The following ZRANB3 variants were observed in gnomAD, a reference collection of about 807,000 sequenced individuals.
ZRANB3 encodes the protein DNA annealing helicase and endonuclease ZRANB3.
Under a neutral mutation model 133.8 loss-of-function variants are expected in ZRANB3, and 125 were observed. The observed-to-expected ratio is 0.93, with a 90% confidence interval of 0.81 to 1.08. ZRANB3 has a LOEUF of 1.08. Ranked by LOEUF, ZRANB3 falls within the 50% of genes least tolerant of loss-of-function variation. ZRANB3 has a pLI of 0.00. For synonymous variants in ZRANB3, 387 were observed against 432.7 expected, an observed-to-expected ratio of 0.89 and a Z score of 1.31; for missense variants, 1,229 against 1,275.5, an observed-to-expected ratio of 0.96 and a Z score of 0.56.
intron 3 of ZRANB3, among the ~76,000 whole-genome samples, chr2:135,366,724 AAATT>A (rs1685955524): frequency 6.6e-6 from 1 of 152,188 alleles, no homozygotes; most frequent in Non-Finnish European, 1.5e-5. Context: ...TATTATTTAA[AAATT>A]AATTTTTAGG....
chr2:135,279,681 T>C (rs891231140), intron 8 of ZRANB3, among the ~76,000 whole-genome samples: 2 of 152,172 alleles, frequency 1.3e-5, no homozygotes, highest in Non-Finnish European at 2.9e-5. Flanking sequence ...TATCACCTGC[T>C]TCCATCACAA....
chr2:135,422,762 T>C (rs943044588), intron 2 of ZRANB3, among the ~76,000 whole-genome samples: 2 of 152,198 alleles, frequency 1.3e-5, no homozygotes, highest in African/African-American at 2.4e-5. Context: ...TAAAAGTTTA[T>C]AAAATCATTA....
At chr2:135,455,370 T>C (rs191775011) in intron 2 of ZRANB3, among the ~76,000 whole-genome samples, 2 of 151,416 alleles carry the variant, frequency 1.3e-5, no homozygotes, top group East Asian at 3.9e-4. Context: ...GTATTTTTAC[T>C]AGAGACGGGG....
intron 12 of ZRANB3, among the ~76,000 whole-genome samples, chr2:135,241,723 GGAT>G (rs1205932442): frequency 2.0e-5 from 3 of 151,934 alleles, no homozygotes; most frequent in African/African-American, 7.3e-5. Flanking sequence ...AACATGGTAG[GGAT>G]GATATTTTCA....
intron 12 of ZRANB3, among the ~76,000 whole-genome samples, chr2:135,249,317 T>G (rs943686742): frequency 1.3e-5 from 2 of 152,232 alleles, no homozygotes; most frequent in Non-Finnish European, 2.9e-5. Flanking sequence ...GTAGCACTAT[T>G]TGCAATAGCA....
At chr2:135,483,984 T>C (rs1691971911) in intron 2 of ZRANB3, among the ~76,000 whole-genome samples, 1 of 152,224 alleles carries the variant, frequency 6.6e-6, no homozygotes, top group African/African-American at 2.4e-5. Flanking sequence ...AGAGAGTTTG[T>C]TATAATTTCT....
At chr2:135,205,483 G>T (rs1693819530) in intron 19 of ZRANB3, among the ~76,000 whole-genome samples, 1 of 151,994 alleles carries the variant, frequency 6.6e-6, no homozygotes. Context: ...CCACTAGCTG[G>T]GACTACAGGT....
At chr2:135,305,928 T>C (rs929820734) in intron 8 of ZRANB3, among the ~76,000 whole-genome samples, 59 of 152,214 alleles carry the variant, frequency 3.9e-4, no homozygotes, top group African/African-American at 1.4e-3. Context: ...TCCTTGCCTG[T>C]AAGGTTTCTT....
chr2:135,318,362 T>C (rs1683360684), intron 6 of ZRANB3, among the ~76,000 whole-genome samples: 1 of 151,784 alleles, frequency 6.6e-6, no homozygotes, highest in African/African-American at 2.4e-5. Flanking sequence ...CCTACATATA[T>C]AAAATGGGAA....
intron 2 of ZRANB3, among the ~76,000 whole-genome samples, chr2:135,408,413 G>A (rs143226760): frequency 8.5e-5 from 13 of 152,284 alleles, no homozygotes; most frequent in Non-Finnish European, 1.5e-4. Context: ...GGAAATCAGC[G>A]TGGCGATTCC....
At chr2:135,278,142 T>C (rs1014324251) in intron 8 of ZRANB3, among the ~76,000 whole-genome samples, 7 of 152,082 alleles carry the variant, frequency 4.6e-5, no homozygotes, top group African/African-American at 1.4e-4. Flanking sequence ...GTCTTTCACA[T>C]TGAATGAAAA....
Position 135,346,772 on chromosome 2 carries a change from A to T in ZRANB3, c.592-1137T>A, listed in dbSNP as rs186480404. The stretch of plus-strand genomic sequence containing the variant: ...CTCACTGTTATTTTAATATATTTTT[A>T]AAAACCAACAGCTTTATTGTGACAT... On this transcript the variant is annotated intron_variant, in intron 5 of 20. Transcript: ENST00000264159. 9.2e-4 allele frequency among the ~76,000 whole-genome samples: 140 copies of T among 152,280 alleles called. 1 individual carries two copies. Among genetic ancestry groups the T allele is most frequent in the Admixed American group, 5.4e-3 (83 of 15,300 alleles).
intron 3 of ZRANB3, among the ~76,000 whole-genome samples, chr2:135,380,091 C>T (rs927125265): frequency 6.6e-6 from 1 of 152,172 alleles, no homozygotes; most frequent in Admixed American, 6.5e-5. Context: ...GTAAAGGGAT[C>T]AATTCAACAA....
chr2:135,296,045 A>C (rs1448785462), intron 8 of ZRANB3, among the ~76,000 whole-genome samples: 1 of 152,058 alleles, frequency 6.6e-6, no homozygotes, highest in Non-Finnish European at 1.5e-5. Context: ...TGAATCTGAC[A>C]ATTGTGTATC....
At chr2:135,220,047 A>AT (rs1358985005) in intron 15 of ZRANB3, among the ~76,000 whole-genome samples, 2 of 151,520 alleles carry the variant, frequency 1.3e-5, no homozygotes, top group African/African-American at 2.4e-5. Context: ...AATTTTTTAT[A>AT]TTTTTTGTAG....
chr2:135,215,046 T>C (rs549862100), intron 17 of ZRANB3, among the ~76,000 whole-genome samples: 1 of 151,944 alleles, frequency 6.6e-6, no homozygotes, highest in South Asian at 2.1e-4. Flanking sequence ...GCCTCCCGAA[T>C]ATTTGGGCCT....
At chr2:135,374,512 T>A (rs1558951671) in intron 3 of ZRANB3, among the ~76,000 whole-genome samples, 1 of 151,734 alleles carries the variant, frequency 6.6e-6, no homozygotes. Context: ...TTTTTTTTTT[T>A]TTTTTTGAGA....
chr2:135,234,725 G>A (rs993319863), intron 12 of ZRANB3, among the ~76,000 whole-genome samples: 1 of 152,160 alleles, frequency 6.6e-6, no homozygotes, highest in Non-Finnish European at 1.5e-5. Flanking sequence ...AAATAAAGAT[G>A]TTCTTTGGAA....
chr2:135,331,113 G>T (rs866738804), intron 6 of ZRANB3, among the ~76,000 whole-genome samples: 101 of 152,048 alleles, frequency 6.6e-4, no homozygotes, highest in African/African-American at 2.0e-3. Flanking sequence ...GCTTTTGAAT[G>T]TGTTTGCTCT....
Sources: gnomAD v4.1 joint callset for allele counts (sites outside exome capture counted in the v4.1 genomes callset) on GRCh38, gnomAD v4.1.1 for gene constraint, MANE v1.5 for transcripts, NCBI Gene and HGNC (gene_info 2026-07-23, HGNC 2026-07-21) for gene names.